Variants in ETV1 observed in about 807,000 individuals in gnomAD.
ETV1 encodes ETS translocation variant 1.
Under a neutral mutation model 62.3 loss-of-function variants are expected in ETV1, and 27 were observed. That is an observed-to-expected ratio of 0.43 (90% CI 0.32 to 0.60). The LOEUF (loss-of-function observed/expected upper bound fraction) is 0.60. ETV1 is among the 20% of genes least tolerant of loss of function. ETV1 has a pLI of 0.06. For synonymous variants in ETV1, 222 were observed against 199.6 expected, an observed-to-expected ratio of 1.11 and a Z score of -0.94; for missense variants, 605 against 605.8, an observed-to-expected ratio of 1.00 and a Z score of 0.01.
chr7:13,939,633 T>C (rs1390950781), intron 6 of ETV1, among the ~76,000 whole-genome samples: 3 of 152,140 alleles, frequency 2.0e-5, no homozygotes, highest in Non-Finnish European at 4.4e-5. Context: ...AAGACCAAAA[T>C]ATAATTTTAA....
chr7:13,898,769 A>G (rs1478276601), intron 13 of ETV1, among the ~76,000 whole-genome samples: 2 of 152,192 alleles, frequency 1.3e-5, no homozygotes, highest in South Asian at 2.1e-4. Flanking sequence ...TGCTATTTAA[A>G]AAAGGACAGC....
chr7:13,965,394 C>T (rs564218225), intron 6 of ETV1, among the ~76,000 whole-genome samples: 1 of 152,212 alleles, frequency 6.6e-6, no homozygotes, highest in South Asian at 2.1e-4. Context: ...TCTATCATAC[C>T]TTGATGAGAA....
chr7:13,919,013 T>C (rs1477385827), intron 9 of ETV1, among the ~76,000 whole-genome samples: 4 of 152,086 alleles, frequency 2.6e-5, no homozygotes, highest in African/African-American at 7.2e-5. Context: ...TTAGAAATAA[T>C]AATGGCATCT....
chr7:13,973,855 G>A lies in ETV1; in HGVS notation c.235+3572C>T, dbSNP rs145431940. Among the ~76,000 whole-genome samples, 303 of 152,156 alleles carry A rather than the reference G, an allele frequency of 2.0e-3. 3 individuals are homozygous for A. The East Asian group carries it at 0.028, about 14-fold the overall frequency. On this transcript the variant is annotated intron_variant, in intron 6 of 13. Coordinates refer to ENST00000430479, the MANE Select transcript of ETV1 (RefSeq NM_004956.5). ...AAGTTTTCCCAGAATGAGACTATAC[G>A]TGCAGTTTTAAGGCATATCATGTTT... is the stretch of plus-strand genomic sequence containing the variant.
chr7:13,942,115 C>T lies in ETV1; in HGVS notation c.236-2869G>A, dbSNP rs186964828. 8.3e-3 allele frequency among the ~76,000 whole-genome samples: 1,254 copies of T among 150,584 alleles called. 19 individuals carry two copies. Among genetic ancestry groups the T allele is most frequent in the African/African-American group, 0.029 (1,179 of 41,072 alleles). ...CTCGGCTCACTGCAAGCTCCACCTCCCGGGTTCACGCCATTCTCCTGCCTC... is the reference window on the plus strand; with the variant it reads ...CTCGGCTCACTGCAAGCTCCACCTCTCGGGTTCACGCCATTCTCCTGCCTC... On this transcript the variant is annotated intron_variant, in intron 6 of 13. Transcript: ENST00000430479.
rs560616978 is a variant in ETV1 at position 13,891,698 on chromosome 7, T to G, written c.*4168A>C. The G allele has an allele frequency of 1.3e-5, 3 of 232,166 alleles. No individual in the cohort carries two copies. Among genetic ancestry groups the G allele is most frequent in the South Asian group, 3.6e-4 (2 of 5,512 alleles). The allele number at this position is 232,166 out of a possible 1,614,324, so 14.4% of individuals were successfully genotyped here. ...TATCATGCCCAACTATTACCATCTT[T>G]TTGAAACTTGATTTTTCCAATTCTT... On this transcript the variant is annotated 3_prime_UTR_variant, in exon 14 of 14. Transcript: ENST00000430479.
intron 6 of ETV1, among the ~76,000 whole-genome samples, chr7:13,948,982 A>C (rs913923056): frequency 1.8e-4 from 28 of 152,340 alleles, no homozygotes; most frequent in African/African-American, 6.3e-4. Flanking sequence ...AATTGAGACT[A>C]AAACTACAAA....
In ETV1 at chr7:13,935,849, G is replaced by C. The variant is rs776585267; in HGVS notation, c.413C>G (p.Pro138Arg). 16 of 1,613,884 alleles carry C rather than the reference G, an allele frequency of 9.9e-6. No homozygotes were observed. The highest frequency in any genetic ancestry group is 6.7e-5 in the East Asian group (3 of 44,868). Residue 138 changes from proline to arginine, a missense_variant, in exon 8 of 14, where the codon CCC (proline) becomes CGC (arginine). Transcript: ENST00000430479. ...PQVGMRPSNP[P>R]TPSSTPVSPL... ...GGACACTGGCGTGCTGGATGGTGTGGGGGGGTTGGAGGGCCTCATTCCCAC... is the reference window on the plus strand; with the variant it reads ...GGACACTGGCGTGCTGGATGGTGTGCGGGGGTTGGAGGGCCTCATTCCCAC...
chr7:13,979,443 T>C (rs1405936036), intron 5 of ETV1, among the ~76,000 whole-genome samples: 2 of 151,836 alleles, frequency 1.3e-5, no homozygotes, highest in Non-Finnish European at 2.9e-5. Context: ...TAACACAACA[T>C]ATTTTTTTGA....
At chr7:13,908,609 G>C (rs1170671210) in intron 11 of ETV1, among the ~76,000 whole-genome samples, 1 of 151,834 alleles carries the variant, frequency 6.6e-6, no homozygotes. Context: ...GACCTTGAAT[G>C]AATTTAGAAA....
intron 9 of ETV1, among the ~76,000 whole-genome samples, chr7:13,917,397 A>C (rs907241124): frequency 2.6e-5 from 4 of 151,628 alleles, no homozygotes; most frequent in Non-Finnish European, 5.9e-5. Flanking sequence ...AGCTCACTGC[A>C]ACCTCTGCCT....
intron 9 of ETV1, among the ~76,000 whole-genome samples, chr7:13,918,699 G>A (rs1386101085): frequency 3.5e-5 from 5 of 142,558 alleles, no homozygotes; most frequent in African/African-American, 1.3e-4. Context: ...GCAGGAAGAG[G>A]AATATCACAC....
chr7:13,989,985 G>A (rs147343982), upstream of ETV1: 6 of 171,486 alleles, frequency 3.5e-5, no homozygotes, highest in Non-Finnish European at 6.1e-5. Flanking sequence ...CCCATTATTG[G>A]GGTGTTAGGT....
intron 9 of ETV1, among the ~76,000 whole-genome samples, chr7:13,922,808 C>A (rs1254631160): frequency 6.6e-6 from 1 of 152,170 alleles, no homozygotes; most frequent in Non-Finnish European, 1.5e-5. Context: ...TCACTGCATA[C>A]TTTCTGTTTC....
At chr7:13,946,694 T>C (rs1327243107) in intron 6 of ETV1, among the ~76,000 whole-genome samples, 1 of 152,202 alleles carries the variant, frequency 6.6e-6, no homozygotes, top group African/African-American at 2.4e-5. Context: ...ACAGCTTTGG[T>C]TGAGGGTAGA....
intron 6 of ETV1, chr7:13,974,755 G>A (rs1368150069): frequency 1.3e-5 from 2 of 152,258 alleles, no homozygotes; most frequent in Admixed American, 6.5e-5. Flanking sequence ...ACTTAGAAAG[G>A]CAACAGAAGT....
intron 7 of ETV1, among the ~76,000 whole-genome samples, chr7:13,937,479 AT>A (rs1353217364): frequency 6.6e-6 from 1 of 152,220 alleles, no homozygotes; most frequent in Non-Finnish European, 1.5e-5. Context: ...GGGACTTTTC[AT>A]CCCCCAAAAG....
intron 9 of ETV1, among the ~76,000 whole-genome samples, chr7:13,918,445 G>A (rs1005523899): frequency 2.0e-5 from 3 of 152,084 alleles, no homozygotes; most frequent in Admixed American, 1.3e-4. Context: ...GTTTATTGCG[G>A]CATTATTCAC....
At chr7:13,915,350 C>T (rs936698366) in intron 9 of ETV1, among the ~76,000 whole-genome samples, 1 of 152,234 alleles carries the variant, frequency 6.6e-6, no homozygotes, top group East Asian at 1.9e-4. Context: ...ATGTGTGTAT[C>T]AATGCATACC....
Sources: gnomAD v4.1 joint callset for allele counts (sites outside exome capture counted in the v4.1 genomes callset) on GRCh38, gnomAD v4.1.1 for gene constraint, MANE v1.5 for transcripts, NCBI Gene and HGNC (gene_info 2026-07-23, HGNC 2026-07-21) for gene names.